SGK1: variants seen among roughly 807,000 people sequenced by gnomAD.
SGK1 encodes serum/glucocorticoid regulated kinase 1, also known as serine/threonine-protein kinase Sgk1.
Under a neutral mutation model 64.2 loss-of-function variants are expected in SGK1, and 26 were observed. The ratio of observed to expected loss-of-function variants is 0.40; its 90% CI spans 0.30 to 0.56. The LOEUF is 0.56. Ranked by LOEUF, SGK1 falls within the 20% of genes least tolerant of loss-of-function variation. The pLI, the probability that SGK1 is intolerant of heterozygous loss-of-function variation, is 0.38. For missense variants in SGK1, 519 were observed against 645.6 expected, an observed-to-expected ratio of 0.80 and a Z score of 2.12; for synonymous variants, 265 against 239.7, an observed-to-expected ratio of 1.11 and a Z score of -0.98.
chr6:134,215,971 G>T (rs1025605368), intron 2 of SGK1, among the ~76,000 whole-genome samples: 17 of 152,138 alleles, frequency 1.1e-4, no homozygotes, highest in Non-Finnish European at 2.5e-4. Context: ...AGTTGAGATC[G>T]CGCCACTGCA....
chr6:134,264,375 T>C (rs1436962988), intron 1 of SGK1, among the ~76,000 whole-genome samples: 1 of 152,060 alleles, frequency 6.6e-6, no homozygotes, highest in Non-Finnish European at 1.5e-5. Context: ...CACCTTGGCC[T>C]CCCATAGTGC....
Position 134,207,436 on chromosome 6 carries a change from A to G in SGK1, c.286-5T>C. 6.2e-7 allele frequency: 1 copy of G among 1,600,844 alleles called. No homozygotes were observed. Among genetic ancestry groups the G allele is most frequent in the Non-Finnish European group, 8.6e-7 (1 of 1,168,630 alleles). On this transcript the variant is annotated splice_polypyrimidine_tract_variant and splice_region_variant and intron_variant, in intron 2 of 13. Coordinates refer to ENST00000367858, the MANE Select transcript of SGK1 (RefSeq NM_001143676.3). ...ATGATTACATGGCTCTCTCACCTTT[A>G]AAACATAAAGAGAAAAGAAGTGATA... is the stretch of plus-strand genomic sequence containing the variant.
At chr6:134,246,328 T>A (rs1776524363) in intron 2 of SGK1, among the ~76,000 whole-genome samples, 2 of 151,854 alleles carry the variant, frequency 1.3e-5, no homozygotes, top group Admixed American at 6.6e-5. Flanking sequence ...TTTGTATTTT[T>A]TTTTTTTTAG....
chr6:134,201,941 A>G (rs1192879151), intron 3 of SGK1, among the ~76,000 whole-genome samples: 1 of 152,200 alleles, frequency 6.6e-6, no homozygotes, highest in East Asian at 1.9e-4. Flanking sequence ...TGCGTCACCT[A>G]GTTTCAAACT....
At chr6:134,299,924 CTTTT>C (rs1306037813) in intron 1 of SGK1, among the ~76,000 whole-genome samples, 1 of 150,830 alleles carries the variant, frequency 6.6e-6, no homozygotes, top group African/African-American at 2.4e-5. Flanking sequence ...AAATAAAATG[CTTTT>C]TTAATTCAAA....
At chr6:134,301,576 CT>C (rs1562279144) in intron 1 of SGK1, among the ~76,000 whole-genome samples, 22 of 97,028 alleles carry the variant, frequency 2.3e-4, no homozygotes, top group South Asian at 5.7e-4. Flanking sequence ...CTCTTCTCTT[CT>C]CTTCTCTTCC....
intron 3 of SGK1, among the ~76,000 whole-genome samples, chr6:134,206,883 A>C (rs1451485651): frequency 1.9e-5 from 2 of 103,868 alleles, no homozygotes; most frequent in Non-Finnish European, 4.4e-5. Flanking sequence ...AAAAAAAAAA[A>C]CAAAAAAAAA....
intron 1 of SGK1, among the ~76,000 whole-genome samples, chr6:134,303,234 T>C (rs1008918781): frequency 1.3e-5 from 2 of 151,664 alleles, no homozygotes; most frequent in African/African-American, 4.8e-5. Flanking sequence ...CTACTAAAAA[T>C]ACCGAAAATT....
At chr6:134,298,694 CATG>C in intron 1 of SGK1, 1 of 1,066,614 alleles carries the variant, frequency 9.4e-7, no homozygotes, top group East Asian at 2.5e-5. Context: ...CCCTGATGGA[CATG>C]GTGGAGGCAG....
chr6:134,226,368 T>C (rs1426505415), intron 2 of SGK1, among the ~76,000 whole-genome samples: 1 of 151,872 alleles, frequency 6.6e-6, no homozygotes, highest in African/African-American at 2.4e-5. Context: ...TTTTTTTTCT[T>C]TTACTTTTAA....
At chr6:134,289,781 G>A (rs533405765) in intron 1 of SGK1, among the ~76,000 whole-genome samples, 14 of 152,068 alleles carry the variant, frequency 9.2e-5, no homozygotes, top group South Asian at 4.2e-4. Flanking sequence ...TGAGGCGAGC[G>A]GATCACTTGA....
chr6:134,312,482 A>G (rs1192777916), intron 1 of SGK1, among the ~76,000 whole-genome samples: 1 of 152,210 alleles, frequency 6.6e-6, no homozygotes, highest in Non-Finnish European at 1.5e-5. Context: ...TAACCAGACT[A>G]AAAACCTTTC....
At chr6:134,311,808 G>C (rs1040399695) in intron 1 of SGK1, among the ~76,000 whole-genome samples, 1 of 152,172 alleles carries the variant, frequency 6.6e-6, no homozygotes, top group Admixed American at 6.5e-5. Context: ...TCCGAAGAAA[G>C]CACAGTAGCA....
chr6:134,260,194 T>TC (rs1003060868), intron 2 of SGK1: 7 of 151,806 alleles, frequency 4.6e-5, no homozygotes, highest in African/African-American at 1.7e-4. Context: ...AATTTTTTTT[T>TC]TTTAATTAGC....
At chr6:134,208,818 G>A (rs751576282) in intron 2 of SGK1, among the ~76,000 whole-genome samples, 22 of 148,510 alleles carry the variant, frequency 1.5e-4, no homozygotes, top group Admixed American at 4.0e-4. Flanking sequence ...ACACATACAC[G>A]CATGTATATA....
At chr6:134,191,278 AC>A (rs1409754707) in intron 3 of SGK1, among the ~76,000 whole-genome samples, 1 of 152,134 alleles carries the variant, frequency 6.6e-6, no homozygotes, top group Non-Finnish European at 1.5e-5. Flanking sequence ...CAGACTTTTT[AC>A]CAAGGGCAAA....
chr6:134,315,027 T>C (rs1054142017), intron 1 of SGK1, among the ~76,000 whole-genome samples: 3 of 152,134 alleles, frequency 2.0e-5, no homozygotes, highest in African/African-American at 7.2e-5. Context: ...ATGGTAACAG[T>C]TACTACATCT....
At chr6:134,244,626 C>A (rs1433160754) in intron 2 of SGK1, among the ~76,000 whole-genome samples, 1 of 152,148 alleles carries the variant, frequency 6.6e-6, no homozygotes, top group East Asian at 1.9e-4. Flanking sequence ...TGCTTCTGCT[C>A]GCCCTCCATG....
intron 3 of SGK1, among the ~76,000 whole-genome samples, chr6:134,199,558 CA>C (rs369760659): frequency 6.3e-3 from 515 of 81,344 alleles, no homozygotes; most frequent in African/African-American, 0.021. Flanking sequence ...GACTCTCTCT[CA>C]AAAAAAAAAA....
Sources: gnomAD v4.1 joint callset for allele counts (sites outside exome capture counted in the v4.1 genomes callset) on GRCh38, gnomAD v4.1.1 for gene constraint, MANE v1.5 for transcripts, NCBI Gene and HGNC (gene_info 2026-07-23, HGNC 2026-07-21) for gene names.